The following NRROS variants were observed in gnomAD, a reference collection of about 807,000 sequenced individuals.
The protein encoded by NRROS is transforming growth factor beta activator LRRC33.
In NRROS, 6 loss-of-function variants were observed where a neutral mutation model predicts 12.0. The ratio of observed to expected loss-of-function variants is 0.50; its 90% confidence interval spans 0.27 to 0.98. The LOEUF is 0.98. NRROS is among the 50% of genes least tolerant of loss of function. NRROS has a pLI of 0.11. For missense variants in NRROS, 857 were observed against 888.2 expected (o/e 0.96, Z 0.45); for synonymous variants, 462 against 410.2 (o/e 1.13, Z -1.53).
Position 196,660,450 on chromosome 3 carries a change from C to A in NRROS, c.807C>A (p.Pro269=). Residue 269 remains proline, a synonymous_variant, in exon 3 of 3, where the codon CCC becomes CCA. Coordinates refer to ENST00000328557, the MANE Select transcript of NRROS (RefSeq NM_198565.3). This position sits in a 1 kb window ranked among gnomAD's most constrained non-coding sequence, Gnocchi z 7.7. Reference sequence around the variant, plus strand: ...AGCTGCTGTTCTTCCCGCTGCTGCCCCAGTACAGCAAGTTGCGGACCCTCC... The same window carrying A: ...AGCTGCTGTTCTTCCCGCTGCTGCCACAGTACAGCAAGTTGCGGACCCTCC... ...HNQLLFFPLL[P]QYSKLRTLLL... 6.2e-7 allele frequency: 1 copy of A among 1,614,036 alleles called. No homozygotes were observed. Among genetic ancestry groups the A allele is most frequent in the Non-Finnish European group, 8.5e-7 (1 of 1,179,958 alleles).
chr3:196,659,853 G>A lies in NRROS; in HGVS notation c.210G>A (p.Lys70=). ...TCACCCTGGATGCCAACCCTCTCAA[G>A]ACCCTGTGGAATCACTCCCTCCAGC... is the stretch of plus-strand genomic sequence containing the variant. ...RMLTLDANPL[K]TLWNHSLQPY... The change falls in exon 3 of 3, where the codon AAG becomes AAA. Residue 70 remains lysine (K), a synonymous_variant. Coordinates refer to ENST00000328557, the MANE Select transcript of NRROS (RefSeq NM_198565.3). 1 of 1,614,052 alleles carries A rather than the reference G, an allele frequency of 6.2e-7. No individual in the cohort carries two copies. The highest frequency in any genetic ancestry group is 8.5e-7 in the Non-Finnish European group (1 of 1,179,964).
At chr3:196,655,030 A>C (rs781379943) in intron 2 of NRROS, 1 of 192,212 alleles carries the variant, frequency 5.2e-6, no homozygotes, top group Non-Finnish European at 1.1e-5. Context: ...TGAGCCCAGG[A>C]GTTGGAGACT....
chr3:196,652,595 T>A (rs1029822119), intron 1 of NRROS, among the ~76,000 whole-genome samples: 2 of 152,180 alleles, frequency 1.3e-5, no homozygotes, highest in African/African-American at 4.8e-5. Context: ...AACAAGAGTT[T>A]TTTTCTGGGC....
In NRROS at chr3:196,639,834, G is replaced by A. The variant is rs573700214; in HGVS notation, c.-55G>A. 5 of 152,534 alleles carry A rather than the reference G, an allele frequency of 3.3e-5. No individual in the cohort carries two copies. Among genetic ancestry groups the A allele is most frequent in the African/African-American group, 1.2e-4 (5 of 41,594 alleles). 9.4% of individuals were successfully genotyped at this position (152,534 alleles called of 1,614,324 possible). ...GCTCTCGAGGAGGCCGGAGCCCCCG[G>A]AGACGATGCGCCCCGCGCAGCCGCC... On this transcript the variant is annotated 5_prime_UTR_variant, in exon 1 of 3. Transcript: ENST00000328557.
intron 2 of NRROS, among the ~76,000 whole-genome samples, chr3:196,658,849 A>G (rs926638937): frequency 6.6e-5 from 10 of 152,152 alleles, no homozygotes; most frequent in African/African-American, 1.2e-4. Flanking sequence ...ATGTGCCTGT[A>G]ATCCCAGCTA....
intron 1 of NRROS, among the ~76,000 whole-genome samples, chr3:196,653,563 A>T (rs1367530142): frequency 6.6e-6 from 1 of 152,196 alleles, no homozygotes; most frequent in East Asian, 1.9e-4. Context: ...CAGAATGCAG[A>T]GCTGGGGGCA....
At chr3:196,646,075 C>T (rs1737304920) in intron 1 of NRROS, among the ~76,000 whole-genome samples, 3 of 152,234 alleles carry the variant, frequency 2.0e-5, no homozygotes, top group African/African-American at 7.2e-5. Flanking sequence ...CGAACATTCC[C>T]TTACATCGAC....
intron 1 of NRROS, among the ~76,000 whole-genome samples, chr3:196,651,704 T>C (rs902657683): frequency 1.3e-5 from 2 of 152,074 alleles, no homozygotes; most frequent in African/African-American, 4.8e-5. Flanking sequence ...AGGTGGAGTT[T>C]GCAGTGAGGC....
rs200451632 is a variant in NRROS, at chr3:196,659,937, C to T, written c.294C>T (p.Arg98=). The T allele has an allele frequency of 1.8e-5, 29 of 1,614,062 alleles. No individual in the cohort carries two copies. In the African/African-American group the frequency reaches 3.5e-4, roughly 19 times the overall value. ...GCTGCCACCTGGAGCGCATCAGCCG[C>T]GGCGCCTTCCAGGAGCAAGGTCACC... The part of the protein sequence containing the change: ...LHSCHLERIS[R]GAFQEQGHLR... The change falls in exon 3 of 3, where the codon CGC becomes CGT. Residue 98 remains arginine (R), a synonymous_variant. Coordinates refer to ENST00000328557, the MANE Select transcript of NRROS (RefSeq NM_198565.3).
intron 1 of NRROS, among the ~76,000 whole-genome samples, chr3:196,649,450 C>A (rs1737374249): frequency 1.3e-5 from 2 of 152,252 alleles, no homozygotes; most frequent in South Asian, 4.1e-4. Context: ...AGCCCTCCCC[C>A]AGACCCAGGG....
Position 196,660,529 on chromosome 3 carries a change from C to A in NRROS, c.886C>A (p.Pro296Thr). 1 of 1,614,142 alleles carries A rather than the reference C, an allele frequency of 6.2e-7. No homozygotes were observed. Among genetic ancestry groups the A allele is most frequent in the South Asian group, 1.1e-5 (1 of 91,088 alleles). Reference protein sequence around the residue: ...FYRDLYNTSSPREMVAQFLLV... With the variant: ...FYRDLYNTSSTREMVAQFLLV... Reference sequence around the variant, plus strand: ...CCGGGACCTGTACAACACCTCGTCGCCGAGGGAGATGGTGGCCCAGTTCCT... The same window carrying A: ...CCGGGACCTGTACAACACCTCGTCGACGAGGGAGATGGTGGCCCAGTTCCT... The change falls in exon 3 of 3, where the codon CCG becomes ACG. Residue 296 changes from proline to threonine, a missense_variant. Transcript: ENST00000328557. The surrounding 1 kb of genome is among the most constrained non-coding windows in gnomAD (Gnocchi z 7.7).
intron 1 of NRROS, among the ~76,000 whole-genome samples, chr3:196,642,416 T>C (rs1301842243): frequency 2.0e-5 from 3 of 152,228 alleles, no homozygotes; most frequent in African/African-American, 4.8e-5. Flanking sequence ...TTCCTCAGCT[T>C]TGCCTTCCTC....
At chr3:196,652,649 T>C (rs1737451094) in intron 1 of NRROS, among the ~76,000 whole-genome samples, 1 of 152,222 alleles carries the variant, frequency 6.6e-6, no homozygotes, top group Non-Finnish European at 1.5e-5. Flanking sequence ...TGTTTTAAAC[T>C]TGCAAAATTC....
At position 196,661,123 on chromosome 3, in the gene NRROS, A is replaced by G; in HGVS notation, c.1480A>G (p.Ser494Gly). 6.2e-7 allele frequency: 1 copy of G among 1,613,680 alleles called. No individual in the cohort carries two copies. Among genetic ancestry groups the G allele is most frequent in the Non-Finnish European group, 8.5e-7 (1 of 1,179,692 alleles). The change falls in exon 3 of 3, where the codon AGC (serine) becomes GGC (glycine). Residue 494 changes from serine to glycine, a missense_variant. Ser to Gly is a moderately conservative substitution (Grantham distance 56, BLOSUM62 0). Coordinates refer to ENST00000328557, the MANE Select transcript of NRROS (RefSeq NM_198565.3). ...CTCCCTGACCTACTTAGACCTCTCA[A>G]GCAACTGGGGGGTTCTGAATGGGAG... ...GTSLTYLDLS[S>G]NWGVLNGSLA...
Position 196,661,588 on chromosome 3 carries a change from G to A in NRROS, c.1945G>A (p.Gly649Ser), listed in dbSNP as rs557324572. 1 of 1,613,788 alleles carries A rather than the reference G, an allele frequency of 6.2e-7. No homozygotes were observed. The highest frequency in any genetic ancestry group is 2.2e-5 in the East Asian group (1 of 44,884). ...RDCKWERLDL[G>S]LLYLVLILPS... ...CTGCAAGTGGGAGCGGCTGGACCTG[G>A]GCCTGCTCTACCTCGTGCTCATCCT... The change falls in exon 3 of 3, where the codon GGC (glycine) becomes AGC (serine). Residue 649 changes from glycine (G) to serine (S), a missense_variant. Coordinates refer to ENST00000328557, the MANE Select transcript of NRROS (RefSeq NM_198565.3).
chr3:196,657,203 C>CAAA (rs916834660), intron 2 of NRROS, among the ~76,000 whole-genome samples: 3 of 112,992 alleles, frequency 2.7e-5, no homozygotes, highest in African/African-American at 9.9e-5. Context: ...GACTCCGTAT[C>CAAA]AAAAAAAAAA....
chr3:196,654,507 T>A lies in NRROS; in HGVS notation c.-13-20T>A. 7.0e-7 allele frequency: 1 copy of A among 1,425,470 alleles called. No homozygotes were observed. The highest frequency in any genetic ancestry group is 9.9e-7 in the Non-Finnish European group (1 of 1,007,638). 88.3% of individuals were successfully genotyped at this position (1,425,470 alleles called of 1,614,324 possible). On this transcript the variant is annotated intron_variant, in intron 1 of 2. Transcript: ENST00000328557. This position sits in a 1 kb window ranked among gnomAD's most constrained non-coding sequence, Gnocchi z 4.4. ...GGATGTCCTTCTCTGACTTACCTCT[T>A]CCCTGCTCTCTGTCCACAGGGCTGC...
rs757927223 is a variant in NRROS, at chr3:196,661,208, G to A, written c.1565G>A (p.Gly522Asp). Residue 522 changes from glycine to aspartate, a missense_variant, in exon 3 of 3, where the codon GGC becomes GAC. Gly to Asp is a moderately conservative substitution (Grantham distance 94). Transcript: ENST00000328557. ...CAGGTCCTGTCTCTCAGGAACATGG[G>A]CCTCCACTCCAGCTTTATGGCGTTG... ...MLQVLSLRNM[G>D]LHSSFMALDF... The A allele has an allele frequency of 1.6e-5, 26 of 1,613,886 alleles. No homozygotes were observed. Among genetic ancestry groups the A allele is most frequent in the South Asian group, 3.3e-5 (3 of 91,014 alleles).
chr3:196,653,502 T>A (rs1002130321), intron 1 of NRROS, among the ~76,000 whole-genome samples: 4 of 152,112 alleles, frequency 2.6e-5, no homozygotes, highest in Non-Finnish European at 5.9e-5. Context: ...CCGGTAGGTG[T>A]CAAGGAATGG....
Sources: allele counts gnomAD v4.1 joint callset (sites outside exome capture counted in the v4.1 genomes callset), GRCh38; gene constraint gnomAD v4.1.1; non-coding constraint Gnocchi (gnomAD v3.1); transcripts MANE v1.5; gene names NCBI Gene and HGNC (gene_info 2026-07-23, HGNC 2026-07-21).